Variants in ADAMTS16 observed in about 807,000 individuals in gnomAD.
ADAMTS16 encodes A disintegrin and metalloproteinase with thrombospondin motifs 16.
In ADAMTS16, 94 loss-of-function variants were observed where a neutral mutation model predicts 145.8. The observed-to-expected ratio is 0.64, with a 90% CI of 0.55 to 0.77. The LOEUF (loss-of-function observed/expected upper bound fraction) is 0.77. Among genes scored for constraint, ADAMTS16 ranks in the 30% least tolerant of loss-of-function variants. The pLI is 0.00. For missense variants in ADAMTS16, 1,585 were observed against 1,591.5 expected (o/e 1.00, Z 0.07); for synonymous variants, 659 against 604.3 (o/e 1.09, Z -1.33).
chr5:5,306,629 G>A lies in ADAMTS16; in HGVS notation c.3312G>A (p.Glu1104=). ...CACATTTGCCGAAGCCCAGCCTGGA[G>A]CTGGAACGTGCCTGCGCCCCGCTTC... ...KCSHLPKPSL[E]LERACAPLPC... The change falls in exon 21 of 23, where the codon GAG becomes GAA. Residue 1104 remains glutamate (E), a synonymous_variant. Transcript: ENST00000274181. 1.2e-6 allele frequency: 2 copies of A among 1,614,192 alleles called. No homozygotes were observed. The highest frequency in any genetic ancestry group is 1.7e-6 in the Non-Finnish European group (2 of 1,180,046).
chr5:5,238,651 A>G (rs1490403327), intron 14 of ADAMTS16, among the ~76,000 whole-genome samples: 1 of 152,224 alleles, frequency 6.6e-6, no homozygotes, highest in Admixed American at 6.5e-5. Flanking sequence ...AACAAACATC[A>G]GAGTAATTTT....
chr5:5,204,806 G>A (rs1158396), intron 9 of ADAMTS16, among the ~76,000 whole-genome samples: 136,559 of 152,196 alleles, frequency 0.9, 61,338 homozygotes, highest in African/African-American at 0.95. Flanking sequence ...AGTCATAAAT[G>A]TATAAGCACA....
chr5:5,148,253 C>T (rs2126506738), intron 3 of ADAMTS16, among the ~76,000 whole-genome samples: 1 of 152,312 alleles, frequency 6.6e-6, no homozygotes, highest in East Asian at 1.9e-4. Context: ...CTCAACCAGA[C>T]TTAAGAGTGT....
chr5:5,189,915 T>C, intron 6 of ADAMTS16, 56 bp from the exon 7 acceptor site: 7 of 1,594,596 alleles, frequency 4.4e-6, no homozygotes, highest in Non-Finnish European at 6.0e-6. Context: ...GACAATGCAT[T>C]ATAACATGTT....
At chr5:5,315,438 G>C (rs542410670) in intron 21 of ADAMTS16, among the ~76,000 whole-genome samples, 1 of 129,228 alleles carries the variant, frequency 7.7e-6, no homozygotes, top group African/African-American at 2.8e-5. Flanking sequence ...TTTTGGAACT[G>C]TTTAAATGAT....
At chr5:5,302,035 C>T (rs1739799609) in intron 18 of ADAMTS16, among the ~76,000 whole-genome samples, 1 of 152,154 alleles carries the variant, frequency 6.6e-6, no homozygotes, top group Non-Finnish European at 1.5e-5. Flanking sequence ...AGAAGTGACT[C>T]CAGGAGGCAG....
chr5:5,241,535 C>T (rs1404798497), intron 16 of ADAMTS16, among the ~76,000 whole-genome samples: 2 of 152,150 alleles, frequency 1.3e-5, no homozygotes, highest in Admixed American at 6.5e-5. Context: ...AAGTGTCCTG[C>T]GTTATTTGAA....
chr5:5,283,885 T>A (rs1203463495), intron 18 of ADAMTS16, among the ~76,000 whole-genome samples: 1 of 152,240 alleles, frequency 6.6e-6, no homozygotes, highest in Non-Finnish European at 1.5e-5. Context: ...GATCTTTATG[T>A]ATTCTTTACT....
At chr5:5,295,148 T>A (rs930964376) in intron 18 of ADAMTS16, among the ~76,000 whole-genome samples, 1 of 152,260 alleles carries the variant, frequency 6.6e-6, no homozygotes, top group African/African-American at 2.4e-5. Context: ...AGTGGATTAT[T>A]TCATAAAACA....
intron 17 of ADAMTS16, among the ~76,000 whole-genome samples, chr5:5,242,752 A>G (rs550175530): frequency 4.6e-5 from 7 of 152,370 alleles, no homozygotes; most frequent in African/African-American, 1.7e-4. Context: ...TCGCCTTCAT[A>G]CTGTAAACAA....
At chr5:5,266,442 C>A (rs945845643) in intron 18 of ADAMTS16, among the ~76,000 whole-genome samples, 1 of 152,232 alleles carries the variant, frequency 6.6e-6, no homozygotes, top group African/African-American at 2.4e-5. Context: ...CAGAGTGGAG[C>A]AACTAAGTCC....
intron 3 of ADAMTS16, among the ~76,000 whole-genome samples, chr5:5,178,229 T>A (rs962935145): frequency 9.9e-5 from 15 of 152,232 alleles, no homozygotes; most frequent in African/African-American, 3.6e-4. Context: ...GTTTTTCTAA[T>A]GTAAAATGAT....
At chr5:5,257,871 T>C (rs1737849010) in intron 17 of ADAMTS16, among the ~76,000 whole-genome samples, 1 of 152,138 alleles carries the variant, frequency 6.6e-6, no homozygotes, top group Admixed American at 6.5e-5. Flanking sequence ...ACCCACAACT[T>C]GCCTACAAAG....
intron 17 of ADAMTS16, among the ~76,000 whole-genome samples, chr5:5,258,205 C>T (rs1737862313): frequency 6.6e-6 from 1 of 152,158 alleles, no homozygotes; most frequent in Admixed American, 6.5e-5. Context: ...AGCCTCTCTC[C>T]CCTCTCTGGA....
At chr5:5,303,975 T>TA (rs1739910999) in intron 20 of ADAMTS16, among the ~76,000 whole-genome samples, 3 of 152,292 alleles carry the variant, frequency 2.0e-5, no homozygotes, top group Admixed American at 1.3e-4. Flanking sequence ...AATCACACAG[T>TA]GGCGTCCACG....
chr5:5,288,394 C>A (rs571424222), intron 18 of ADAMTS16, among the ~76,000 whole-genome samples: 1 of 152,128 alleles, frequency 6.6e-6, no homozygotes, highest in Non-Finnish European at 1.5e-5. Context: ...TAAAAGGCTC[C>A]GGTGAGAGGC....
intron 3 of ADAMTS16, among the ~76,000 whole-genome samples, chr5:5,167,931 C>T (rs1385591924): frequency 2.0e-5 from 3 of 152,206 alleles, no homozygotes; most frequent in African/African-American, 7.2e-5. Flanking sequence ...GAGTTTTTAA[C>T]TGTATCCAAT....
At chr5:5,232,745 A>T (rs1271924252) in intron 12 of ADAMTS16, among the ~76,000 whole-genome samples, 1 of 151,610 alleles carries the variant, frequency 6.6e-6, no homozygotes, top group Non-Finnish European at 1.5e-5. Context: ...CTGGGACTAT[A>T]GGTGCCACCA....
chr5:5,265,822 T>C (rs1460988343), intron 18 of ADAMTS16, among the ~76,000 whole-genome samples: 1 of 152,184 alleles, frequency 6.6e-6, no homozygotes, highest in Non-Finnish European at 1.5e-5. Flanking sequence ...TTGAAGGTCC[T>C]TGCCTTGACA....
Sources: allele counts gnomAD v4.1 joint callset (sites outside exome capture counted in the v4.1 genomes callset), GRCh38; gene constraint gnomAD v4.1.1; transcripts MANE v1.5; gene names NCBI Gene and HGNC (gene_info 2026-07-23, HGNC 2026-07-21).